The following LAPTM4B variants were observed in gnomAD, a reference collection of about 807,000 sequenced individuals.
LAPTM4B encodes lysosomal-associated transmembrane protein 4B.
In LAPTM4B, 26 loss-of-function variants were observed where a neutral mutation model predicts 28.5. The ratio of observed to expected loss-of-function variants is 0.91; its 90% CI spans 0.67 to 1.27. The LOEUF (loss-of-function observed/expected upper bound fraction) is 1.27, where lower values mean the gene tolerates loss of function less well. Ranked by LOEUF, LAPTM4B falls within the 50% of genes most tolerant of loss-of-function variation. The pLI is 0.00. For synonymous variants in LAPTM4B, 109 were observed against 106.4 expected, an observed-to-expected ratio of 1.02 and a Z score of -0.15; for missense variants, 288 against 285.8, an observed-to-expected ratio of 1.01 and a Z score of -0.06.
In LAPTM4B at chr8:97,825,116, C is replaced by T. The variant is rs1817073227; in HGVS notation, c.566C>T (p.Ser189Phe). Residue 189 changes from serine (S) to phenylalanine (F), a missense_variant, in exon 6 of 7, where the codon TCT becomes TTT. Physicochemically the swap from Ser to Phe is radical, Grantham distance 155. Transcript: ENST00000521545. The stretch of plus-strand genomic sequence containing the variant: ...CGATACATCAATGGTAGGAACTCCT[C>T]TGATGTCCTGGTTTATGTTACCAGC... ...CYRYINGRNSSDVLVYVTSND... is the reference protein window; with the variant it reads ...CYRYINGRNSFDVLVYVTSND... 6.2e-7 allele frequency: 1 copy of T among 1,610,662 alleles called. No individual in the cohort carries two copies. The highest frequency in any genetic ancestry group is 1.3e-5 in the African/African-American group (1 of 74,840).
chr8:97,775,823 G>A lies in LAPTM4B; in HGVS notation c.-187G>A, dbSNP rs772253019. 2.6e-5 allele frequency: 41 copies of A among 1,560,148 alleles called. No individual in the cohort carries two copies. The Admixed American group carries it at 3.7e-4, about 14-fold the overall frequency. On this transcript the variant is annotated 5_prime_UTR_variant, in exon 1 of 7. Coordinates refer to ENST00000521545, the MANE Select transcript of LAPTM4B (RefSeq NM_018407.6). ...CTGCAGCGGTCGCCTTCGGAGCGAA[G>A]GGTACCGACCCGGCAGAAGCTCGGA...
intron 1 of LAPTM4B, among the ~76,000 whole-genome samples, chr8:97,780,050 C>CA (rs57555167): frequency 0.018 from 1,640 of 91,786 alleles, 31 homozygotes; most frequent in African/African-American, 0.058. Flanking sequence ...GACTCTGTCT[C>CA]AAAAAAAAAA....
At position 97,776,033 on chromosome 8, in the gene LAPTM4B, G is replaced by T. The variant is rs2449508; in HGVS notation, c.24G>T (p.Thr8=). 0.14 allele frequency: 225,955 copies of T among 1,580,256 alleles called. 16,771 individuals carry two copies. Among genetic ancestry groups the T allele is most frequent in the Middle Eastern group, 0.17 (1,018 of 5,824 alleles). Residue 8 remains threonine, a synonymous_variant, in exon 1 of 7, where the codon ACG becomes ACT. Transcript: ENST00000521545. ...CGATGAAGATGGTCGCGCCCTGGAC[G>T]CGGTTCTACTCCAACAGCTGCTGCT... MKMVAPW[T]RFYSNSCCLC...
intron 5 of LAPTM4B, among the ~76,000 whole-genome samples, chr8:97,821,852 A>T (rs573063656): frequency 6.6e-6 from 1 of 152,162 alleles, no homozygotes; most frequent in Non-Finnish European, 1.5e-5. Context: ...GACCCAGGAC[A>T]TGTTCCAAGA....
At chr8:97,817,445 CTTTTTTTTTTTT>C (rs753483537) in intron 4 of LAPTM4B, among the ~76,000 whole-genome samples, 1 of 89,004 alleles carries the variant, frequency 1.1e-5, no homozygotes, top group African/African-American at 3.8e-5. Context: ...GCCAACTTTA[CTTTTTTTTTTTT>C]TTTTTTTTGA....
intron 6 of LAPTM4B, among the ~76,000 whole-genome samples, chr8:97,830,426 C>T (rs1817165920): frequency 6.6e-6 from 1 of 152,042 alleles, no homozygotes. Flanking sequence ...AGAGGAAAAG[C>T]GTGAGCCGGC....
intron 1 of LAPTM4B, among the ~76,000 whole-genome samples, chr8:97,790,012 C>T (rs1342326886): frequency 6.6e-6 from 1 of 152,162 alleles, no homozygotes; most frequent in African/African-American, 2.4e-5. Context: ...TACATAATGA[C>T]CTCCAGTTCC....
At chr8:97,834,584 T>A (rs1817233998) in intron 6 of LAPTM4B, among the ~76,000 whole-genome samples, 1 of 152,044 alleles carries the variant, frequency 6.6e-6, no homozygotes, top group Non-Finnish European at 1.5e-5. Flanking sequence ...TGTGTGTGTT[T>A]GAAGAGACAG....
intron 6 of LAPTM4B, among the ~76,000 whole-genome samples, chr8:97,832,740 T>A (rs1817202705): frequency 6.7e-6 from 1 of 150,324 alleles, no homozygotes. Flanking sequence ...AGAGTCTTGC[T>A]CTGTCATCAA....
intron 6 of LAPTM4B, among the ~76,000 whole-genome samples, chr8:97,835,467 C>T (rs892868017): frequency 3.9e-5 from 6 of 152,200 alleles, no homozygotes; most frequent in South Asian, 2.1e-4. Flanking sequence ...GAATGCGTAA[C>T]GCAGAAGGTC....
intron 2 of LAPTM4B, among the ~76,000 whole-genome samples, chr8:97,806,381 A>T (rs1816755619): frequency 6.6e-6 from 1 of 152,152 alleles, no homozygotes. Flanking sequence ...AGGATTTGGC[A>T]ACTTGCTGTT....
intron 1 of LAPTM4B, among the ~76,000 whole-genome samples, chr8:97,788,029 G>A: frequency 6.6e-6 from 1 of 151,968 alleles, no homozygotes; most frequent in East Asian, 1.9e-4. Context: ...AAAATAAAAG[G>A]TCTCATATTT....
rs757720337 is a variant in LAPTM4B at position 97,775,979 on chromosome 8, C to G, written c.-31C>G. 120 of 1,553,008 alleles carry G rather than the reference C, an allele frequency of 7.7e-5. 2 individuals carry two copies. The highest frequency in any genetic ancestry group is 5.2e-4 in the South Asian group (44 of 85,102). On this transcript the variant is annotated 5_prime_UTR_variant, in exon 1 of 7. Coordinates refer to ENST00000521545, the MANE Select transcript of LAPTM4B (RefSeq NM_018407.6). ...GGCGGTCGACGCTCCTGAAAACTTG[C>G]GCGCGCGCTCGCGCCACTGCGCCCG...
intron 4 of LAPTM4B, among the ~76,000 whole-genome samples, chr8:97,818,470 A>G (rs1395169763): frequency 6.6e-6 from 1 of 151,910 alleles, no homozygotes; most frequent in East Asian, 1.9e-4. Flanking sequence ...AAGTCCGGCA[A>G]CTCCCTCTAA....
chr8:97,835,854 G>T (rs1171179581), intron 6 of LAPTM4B, among the ~76,000 whole-genome samples: 2 of 150,406 alleles, frequency 1.3e-5, no homozygotes, highest in Non-Finnish European at 3.0e-5. Context: ...GGGTCCCCAA[G>T]CCCCGGGCTG....
chr8:97,809,137 T>C (rs1017890533), intron 2 of LAPTM4B, among the ~76,000 whole-genome samples: 54 of 152,310 alleles, frequency 3.5e-4, no homozygotes, highest in African/African-American at 1.3e-3. Flanking sequence ...ATTAAGCCTA[T>C]CATGTCAGAT....
chr8:97,840,493 G>C (rs531815161), intron 6 of LAPTM4B, among the ~76,000 whole-genome samples: 1 of 152,240 alleles, frequency 6.6e-6, no homozygotes, highest in East Asian at 1.9e-4. Flanking sequence ...GGTGAGAGGA[G>C]AGTTTCTCAT....
At chr8:97,792,759 G>A (rs1394687763) in intron 1 of LAPTM4B, among the ~76,000 whole-genome samples, 1 of 151,440 alleles carries the variant, frequency 6.6e-6, no homozygotes, top group African/African-American at 2.4e-5. Context: ...TGTATTTTTA[G>A]TAGAGAGAGG....
At chr8:97,829,200 A>G (rs758037592) in intron 6 of LAPTM4B, among the ~76,000 whole-genome samples, 17 of 152,114 alleles carry the variant, frequency 1.1e-4, no homozygotes, top group Non-Finnish European at 2.2e-4. Context: ...TTCTATTTTC[A>G]TGGTGTATAA....
Sources: allele counts gnomAD v4.1 joint callset (sites outside exome capture counted in the v4.1 genomes callset), GRCh38; gene constraint gnomAD v4.1.1; transcripts MANE v1.5; gene names NCBI Gene and HGNC (gene_info 2026-07-23, HGNC 2026-07-21).